Variants in SFXN2 observed in about 807,000 individuals in gnomAD.
SFXN2 encodes sideroflexin-2.
A neutral mutation model predicts 41.9 loss-of-function variants in SFXN2; 37 were observed. That is an observed-to-expected ratio of 0.88 (90% CI 0.68 to 1.16). The LOEUF (loss-of-function observed/expected upper bound fraction) is 1.16. SFXN2 is among the 50% of genes most tolerant of loss of function. The pLI is 0.00. For synonymous variants in SFXN2, 150 were observed against 156.7 expected (o/e 0.96, Z 0.32); for missense variants, 386 against 425.2 (o/e 0.91, Z 0.81).
At chr10:102,735,805 G>GA in intron 10 of SFXN2, 57 bp from the exon 11 acceptor site, 1 of 1,576,606 alleles carries the variant, frequency 6.3e-7, no homozygotes, top group South Asian at 1.1e-5. Flanking sequence ...GGGGATGGGG[G>GA]ATGGACGGGC....
rs1352533164 is a variant in SFXN2, at chr10:102,730,803, T to G, written c.594-920T>G. Among the ~76,000 whole-genome samples, 8 of 150,736 alleles carry G rather than the reference T, an allele frequency of 5.3e-5. No individual in the cohort carries two copies. The East Asian group carries it at 1.6e-3, about 30-fold the overall frequency. ...CCATCTCTACTAAAAATACAAAAAT[T>G]AGGGCCAGGCGTGGTAGCTCACGCC... On this transcript the variant is annotated intron_variant, in intron 6 of 11. Transcript: ENST00000369893.
intron 4 of SFXN2, 97 bp downstream of exon 4, chr10:102,728,626 C>A: frequency 2.0e-6 from 2 of 1,017,860 alleles, no homozygotes; most frequent in Non-Finnish European, 1.5e-6. Context: ...AGCACCTGCA[C>A]TGAGCAGGTG....
At chr10:102,719,059 G>T (rs2136026265) in intron 1 of SFXN2, among the ~76,000 whole-genome samples, 1 of 151,618 alleles carries the variant, frequency 6.6e-6, no homozygotes, top group East Asian at 1.9e-4. Context: ...AAGTAGCTGG[G>T]ATTACAGGCG....
At chr10:102,729,553 G>T in intron 5 of SFXN2, 159 bp downstream of exon 5, 1 of 1,115,740 alleles carries the variant, frequency 9.0e-7, no homozygotes, top group South Asian at 1.5e-5. Context: ...GCCGTCCCCA[G>T]GTTGGTTCTT....
intron 1 of SFXN2, chr10:102,716,353 G>A (rs557714922): frequency 1.6e-4 from 25 of 151,730 alleles, no homozygotes; most frequent in African/African-American, 6.0e-4. Flanking sequence ...ATGATGTTTC[G>A]TTTTTCTCCC....
At chr10:102,737,608 G>T in intron 11 of SFXN2, 55 bp from the exon 12 acceptor site, 1 of 1,170,892 alleles carries the variant, frequency 8.5e-7, no homozygotes, top group Non-Finnish European at 1.3e-6. Context: ...TCATCTGAGG[G>T]TAACTTACTG....
Position 102,737,952 on chromosome 10 carries a change from A to C in SFXN2, c.*190A>C, listed in dbSNP as rs1043753402. On this transcript the variant is annotated 3_prime_UTR_variant, in exon 12 of 12. Transcript: ENST00000369893. ...GATTGGACCTCAGGGGAAAAAAGTG[A>C]AAAAGGGTAGCAAAGGCCAATGTCT... is the stretch of plus-strand genomic sequence containing the variant. The C allele has an allele frequency of 9.9e-6, 4 of 404,052 alleles. No individual in the cohort carries two copies. The East Asian group carries it at 1.5e-4, about 15-fold the overall frequency. The allele number at this position is 404,052 out of a possible 1,614,324, so 25.0% of individuals were successfully genotyped here. A position where few individuals can be genotyped will look rare whatever the true frequency, so the allele number is the denominator to read the frequency against.
At chr10:102,735,078 C>T (rs1041740652) in intron 10 of SFXN2, among the ~76,000 whole-genome samples, 2 of 150,058 alleles carry the variant, frequency 1.3e-5, no homozygotes, top group East Asian at 2.0e-4. Context: ...GCCCCTCCCC[C>T]ACTCCAAAGT....
At position 102,726,720 on chromosome 10, in the gene SFXN2, A is replaced by C. The variant is rs1476729183; in HGVS notation, c.84A>C (p.Leu28=). The C allele has an allele frequency of 4.3e-6, 7 of 1,614,154 alleles. No individual in the cohort carries two copies. The highest frequency in any genetic ancestry group is 5.9e-6 in the Non-Finnish European group (7 of 1,180,020). The change falls in exon 2 of 12, where the codon CTA becomes CTC. Residue 28 remains leucine (L), a synonymous_variant. Coordinates refer to ENST00000369893, the MANE Select transcript of SFXN2 (RefSeq NM_178858.6). ...TCCTGGGGAGAGTGAAGCACTTCCT[A>C]AACATCACGGACCCCCGCACTGTCT... ...RTFLGRVKHF[L]NITDPRTVFV...
Position 102,740,471 on chromosome 10 carries a change from C to T in SFXN2, c.*2709C>T, listed in dbSNP as rs1240171019. On this transcript the variant is annotated 3_prime_UTR_variant, in exon 12 of 12. Transcript: ENST00000369893. ...TCATGGCCTCAAGTGATCCTCCTCCCTCAGCCTTCCAAAGTGTTGGAATTA... is the reference window on the plus strand; with the variant it reads ...TCATGGCCTCAAGTGATCCTCCTCCTTCAGCCTTCCAAAGTGTTGGAATTA... The T allele has an allele frequency of 6.6e-6, 1 of 152,298 alleles. No homozygotes were observed. Among genetic ancestry groups the T allele is most frequent in the Admixed American group, 6.5e-5 (1 of 15,290 alleles). The allele number at this position is 152,298 out of a possible 1,614,324, so 9.4% of individuals were successfully genotyped here.
At chr10:102,733,466 C>A in intron 9 of SFXN2, 88 bp from the exon 10 acceptor site, 1 of 1,112,990 alleles carries the variant, frequency 9.0e-7, no homozygotes, top group Non-Finnish European at 1.4e-6. Flanking sequence ...GCTTTTCTAG[C>A]TGGCTGATCC....
chr10:102,743,200 T>C lies in SFXN2; in HGVS notation c.*5438T>C, dbSNP rs145261451. On this transcript the variant is annotated 3_prime_UTR_variant, in exon 12 of 12. Transcript: ENST00000369893. The stretch of plus-strand genomic sequence containing the variant: ...TATGGTTGTAGTGTGTGGCGGAAAT[T>C]TGAGAGGAAGAATTGTCAACTTGCA... 149 of 152,340 alleles carry C rather than the reference T, an allele frequency of 9.8e-4. No individual in the cohort carries two copies. Among genetic ancestry groups the C allele is most frequent in the Middle Eastern group, 3.4e-3 (1 of 294 alleles). The allele number at this position is 152,340 out of a possible 1,614,324, so 9.4% of individuals were successfully genotyped here.
intron 8 of SFXN2, 107 bp from the exon 9 acceptor site, chr10:102,732,752 G>A (rs2064722078): frequency 8.8e-7 from 1 of 1,138,588 alleles, no homozygotes; most frequent in Non-Finnish European, 1.3e-6. Flanking sequence ...ATTTTCTGGA[G>A]CTTCTGCTGA....
intron 9 of SFXN2, 90 bp downstream of exon 9, chr10:102,732,998 C>G (rs1170479847): frequency 3.0e-6 from 4 of 1,320,430 alleles, no homozygotes; most frequent in Non-Finnish European, 4.4e-6. Flanking sequence ...CTCCCCCACC[C>G]ATCCTTCCCT....
chr10:102,718,038 G>A (rs866979010), intron 1 of SFXN2, among the ~76,000 whole-genome samples: 2 of 152,182 alleles, frequency 1.3e-5, no homozygotes, highest in Non-Finnish European at 2.9e-5. Context: ...GACAGTGGGT[G>A]TGTGGGGGGA....
At chr10:102,736,915 G>A (rs1483467540) in intron 11 of SFXN2, among the ~76,000 whole-genome samples, 1 of 151,674 alleles carries the variant, frequency 6.6e-6, no homozygotes, top group Non-Finnish European at 1.5e-5. Context: ...AGCACTTTGG[G>A]AGGCCGAGGT....
chr10:102,724,918 T>TG (rs1310403795), intron 1 of SFXN2: 1 of 148,876 alleles, frequency 6.7e-6, no homozygotes, highest in Admixed American at 6.6e-5. Flanking sequence ...ACTGCGTTTT[T>TG]TTTTTTTTTC....
intron 10 of SFXN2, 81 bp downstream of exon 10, chr10:102,733,684 G>GTACACGTTCTCC: frequency 8.4e-7 from 1 of 1,193,818 alleles, no homozygotes; most frequent in Non-Finnish European, 1.3e-6. Flanking sequence ...CCGTGTTGGA[G>GTACACGTTCTCC]AACGTGTACT....
intron 1 of SFXN2, among the ~76,000 whole-genome samples, chr10:102,725,901 A>C (rs979428463): frequency 6.6e-6 from 1 of 152,110 alleles, no homozygotes; most frequent in Non-Finnish European, 1.5e-5. Flanking sequence ...AAATAAAAAA[A>C]AGAAGTATAA....
Sources: allele counts gnomAD v4.1 joint callset (sites outside exome capture counted in the v4.1 genomes callset), GRCh38; gene constraint gnomAD v4.1.1; transcripts MANE v1.5; gene names NCBI Gene and HGNC (gene_info 2026-07-23, HGNC 2026-07-21).